The following LSG1 variants were observed in gnomAD, a reference collection of about 807,000 sequenced individuals.
LSG1 encodes the protein large 60S subunit nuclear export GTPase 1.
A neutral mutation model predicts 82.6 loss-of-function variants in LSG1; 55 were observed. That is an observed-to-expected ratio of 0.67 (90% confidence interval 0.54 to 0.83). The LOEUF is 0.83. Ranked by LOEUF, LSG1 falls within the 40% of genes least tolerant of loss-of-function variation. The pLI, the probability that LSG1 is intolerant of heterozygous loss-of-function variation, is 0.00. For synonymous variants in LSG1, 272 were observed against 282.5 expected (o/e 0.96, Z 0.37); for missense variants, 809 against 807.9 (o/e 1.00, Z -0.02).
rs954018460 is a variant in LSG1, at chr3:194,641,777, C to T, written c.*291G>A. On this transcript the variant is annotated 3_prime_UTR_variant, in exon 14 of 14. Transcript: ENST00000265245. ...TACAGGTGCGCGCCACCACGCCTGGCTAATTTTTTTGTATTTTTAGTAGAG... is the reference window on the plus strand; with the variant it reads ...TACAGGTGCGCGCCACCACGCCTGGTTAATTTTTTTGTATTTTTAGTAGAG... 2.1e-5 allele frequency: 5 copies of T among 235,680 alleles called. No homozygotes were observed. The highest frequency in any genetic ancestry group is 5.4e-5 in the Admixed American group (1 of 18,456). The allele number at this position is 235,680 out of a possible 1,614,324, so 14.6% of individuals were successfully genotyped here.
In LSG1 at chr3:194,658,987, G is replaced by C. The variant is rs780018726; in HGVS notation, c.729C>G (p.Ala243=). 6.2e-7 allele frequency: 1 copy of C among 1,614,078 alleles called. No individual in the cohort carries two copies. Residue 243 remains alanine, a synonymous_variant, in exon 7 of 14, where the codon GCC becomes GCG. Coordinates refer to ENST00000265245, the MANE Select transcript of LSG1 (RefSeq NM_018385.3). ...DVKVIFWSAL[A]GAIPLNGDSE... ...AGTCACCATTCAGGGGAATGGCTCCGGCCAAAGCTGACCAGAAAATAACCT... is the reference window on the plus strand; with the variant it reads ...AGTCACCATTCAGGGGAATGGCTCCCGCCAAAGCTGACCAGAAAATAACCT...
At chr3:194,656,003 C>T (rs190061221) in intron 7 of LSG1, among the ~76,000 whole-genome samples, 1,951 of 152,198 alleles carry the variant, frequency 0.013, 20 homozygotes, top group Middle Eastern at 0.061. Context: ...AATTAATTCA[C>T]GATGGATTAA....
At position 194,672,175 on chromosome 3, in the gene LSG1, G is replaced by T. The variant is rs377189093; in HGVS notation, c.-13C>A. The stretch of plus-strand genomic sequence containing the variant: ...TCCTCCGGCCCATGGCAACACGACC[G>T]CTGGACGAAGCTTCCCGGCTCGGCG... On this transcript the variant is annotated 5_prime_UTR_variant, in exon 1 of 14. Coordinates refer to ENST00000265245, the MANE Select transcript of LSG1 (RefSeq NM_018385.3). 6.4e-6 allele frequency: 10 copies of T among 1,574,144 alleles called. No individual in the cohort carries two copies. In the African/African-American group the frequency reaches 1.1e-4, roughly 17 times the overall value.
Position 194,651,020 on chromosome 3 carries a change from A to G in LSG1, c.1280T>C (p.Leu427Pro), listed in dbSNP as rs1057141976. ...TPGHTKHFQT[L>P]YVEPGLCLCD... The stretch of plus-strand genomic sequence containing the variant: ...CAGGCAGAGGCCAGGCTCCACATAG[A>G]GAGTCTGGAAGACAAGCAAGAGGTT... The change falls in exon 10 of 14, where the codon CTC (leucine) becomes CCC (proline). Residue 427 changes from leucine (L) to proline (P), a missense_variant. Coordinates refer to ENST00000265245, the MANE Select transcript of LSG1 (RefSeq NM_018385.3). 3 of 1,614,004 alleles carry G rather than the reference A, an allele frequency of 1.9e-6. No homozygotes were observed. The highest frequency in any genetic ancestry group is 8.5e-7 in the Non-Finnish European group (1 of 1,179,892).
intron 13 of LSG1, among the ~76,000 whole-genome samples, chr3:194,643,624 G>A (rs141186866): frequency 3.9e-5 from 6 of 152,254 alleles, no homozygotes; most frequent in Admixed American, 1.3e-4. Flanking sequence ...GCACAGCCAC[G>A]TTTGGAAAGT....
rs1227096777 is a variant in LSG1, at chr3:194,670,127, T to G, written c.108A>C (p.Thr36=). ...AATCATAGCCATCATTGAGTTCACTTGTGTGCAACTATGAAAAAACACAGG... is the reference window on the plus strand; with the variant it reads ...AATCATAGCCATCATTGAGTTCACTGGTGTGCAACTATGAAAAAACACAGG... ...SHRHTDSWLH[T]SELNDGYDWG... Residue 36 remains threonine (T), a synonymous_variant, in exon 2 of 14, where the codon ACA becomes ACC. Transcript: ENST00000265245. 2 of 1,576,616 alleles carry G rather than the reference T, an allele frequency of 1.3e-6. No individual in the cohort carries two copies. The highest frequency in any genetic ancestry group is 1.7e-6 in the Non-Finnish European group (2 of 1,163,752).
At chr3:194,657,977 C>A (rs1284096282) in intron 7 of LSG1, among the ~76,000 whole-genome samples, 2 of 152,124 alleles carry the variant, frequency 1.3e-5, no homozygotes, top group Admixed American at 1.3e-4. Context: ...AGCTTATATA[C>A]TGAGCTCATG....
In LSG1 at chr3:194,652,699, G is replaced by C. The variant is rs1412921921; in HGVS notation, c.1173+30C>G. The stretch of plus-strand genomic sequence containing the variant: ...AATGGGGATTAAAGACAATCACGTG[G>C]TAACAATGTTATGACATATGTCATC... On this transcript the variant is annotated intron_variant, in intron 8 of 13. Transcript: ENST00000265245. 2.5e-6 allele frequency: 4 copies of C among 1,588,544 alleles called. No individual in the cohort carries two copies. The Admixed American group carries it at 5.2e-5, about 21-fold the overall frequency.
intron 2 of LSG1, among the ~76,000 whole-genome samples, chr3:194,667,942 A>AATATATATAT (rs763693435): frequency 1.5e-4 from 13 of 86,968 alleles, no homozygotes; most frequent in African/African-American, 3.4e-4. Context: ...AAAAAAAAAA[A>AATATATATAT]ATATATATAT....
At chr3:194,667,300 C>T (rs1158705233) in intron 2 of LSG1, among the ~76,000 whole-genome samples, 2 of 152,160 alleles carry the variant, frequency 1.3e-5, no homozygotes, top group African/African-American at 4.8e-5. Flanking sequence ...ATCCGCCCGC[C>T]TCGGCCTCCC....
chr3:194,651,311 A>T, intron 8 of LSG1, 95 bp from the exon 9 acceptor site: 1 of 812,450 alleles, frequency 1.2e-6, no homozygotes, highest in Non-Finnish European at 2.1e-6. Flanking sequence ...TAGCATAAGC[A>T]TCTGGTTACT....
chr3:194,649,276 C>T (rs376318074), intron 10 of LSG1, among the ~76,000 whole-genome samples: 2 of 152,286 alleles, frequency 1.3e-5, no homozygotes, highest in African/African-American at 4.8e-5. Flanking sequence ...TGTGCCCCAA[C>T]AGACTGATGC....
At chr3:194,664,872 A>T (rs1278572999) in intron 5 of LSG1, among the ~76,000 whole-genome samples, 1 of 152,186 alleles carries the variant, frequency 6.6e-6, no homozygotes, top group Admixed American at 6.5e-5. Context: ...GTGAGCTGAG[A>T]TCGTGCCATT....
Position 194,666,514 on chromosome 3 carries a change from C to G in LSG1, c.285G>C (p.Glu95Asp), listed in dbSNP as rs767323359. ...GGAGCTTCTTAATTCTCTGGCTCTC[C>G]TCGAAAGACAGTAGTCCAGTTCTAG... ...AEARTGLLSF[E>D]ESQRIKKLHE... The change falls in exon 3 of 14, where the codon GAG (glutamate) becomes GAC (aspartate). Residue 95 changes from glutamate to aspartate, a missense_variant. Physicochemically the swap from Glu to Asp is conservative, Grantham distance 45. Transcript: ENST00000265245. 4 of 1,613,748 alleles carry G rather than the reference C, an allele frequency of 2.5e-6. No individual in the cohort carries two copies. In the South Asian group the frequency reaches 4.4e-5, roughly 18 times the overall value.
intron 2 of LSG1, among the ~76,000 whole-genome samples, chr3:194,669,524 C>G (rs1719100768): frequency 6.6e-6 from 1 of 152,218 alleles, no homozygotes; most frequent in Non-Finnish European, 1.5e-5. Context: ...CCAGCAAAGC[C>G]AAACTTCTAG....
At chr3:194,666,634 A>C (rs1374728798) in intron 2 of LSG1, 62 bp from the exon 3 acceptor site, 1 of 1,416,072 alleles carries the variant, frequency 7.1e-7, no homozygotes, top group Admixed American at 2.2e-5. Context: ...GTGTTTGGTC[A>C]TACTGATAAA....
At chr3:194,643,454 A>G (rs1016050747) in intron 13 of LSG1, among the ~76,000 whole-genome samples, 2 of 152,258 alleles carry the variant, frequency 1.3e-5, no homozygotes, top group African/African-American at 4.8e-5. Context: ...AATGACGCTC[A>G]GCATCACTAG....
rs540101692 is a variant in LSG1 at position 194,651,525 on chromosome 3, G to A, written c.1174-309C>T. The A allele has an allele frequency of 8.9e-6, 3 of 337,816 alleles. No homozygotes were observed. In the South Asian group the frequency reaches 1.0e-4, roughly 12 times the overall value. The allele number at this position is 337,816 out of a possible 1,614,324, so 20.9% of individuals were successfully genotyped here. A position where few individuals can be genotyped will look rare whatever the true frequency, so the allele number is the denominator to read the frequency against. On this transcript the variant is annotated intron_variant, in intron 8 of 13. Transcript: ENST00000265245. ...GCCTTCCCTCACTGCCCCATCTACA[G>A]ACAGTGGTTTCCATCGCATCTTCCA...
chr3:194,648,775 T>TA lies in LSG1; in HGVS notation c.1448dup (p.Leu483PhefsTer8). Reference sequence around the variant, plus strand: ...TGATGTTAATGCCATAGGTAGCTTCTAAAACATGTCTTGGAATATTCTGGC... The same window carrying TA: ...TGATGTTAATGCCATAGGTAGCTTCTAAAAACATGTCTTGGAATATTCTGGC... On this transcript the variant is annotated frameshift_variant, in exon 11 of 14. Transcript: ENST00000265245. LOFTEE classifies it high-confidence loss of function. The TA allele has an allele frequency of 6.2e-7, 1 of 1,614,070 alleles. No individual in the cohort carries two copies. Among genetic ancestry groups the TA allele is most frequent in the South Asian group, 1.1e-5 (1 of 91,060 alleles).
Sources: allele counts gnomAD v4.1 joint callset (sites outside exome capture counted in the v4.1 genomes callset), GRCh38; gene constraint gnomAD v4.1.1; transcripts MANE v1.5; gene names NCBI Gene and HGNC (gene_info 2026-07-23, HGNC 2026-07-21).